GYG2: variants seen among roughly 807,000 people sequenced by gnomAD.
The protein encoded by GYG2 is glycogenin-2.
In GYG2, 29 loss-of-function variants were observed where a neutral mutation model predicts 29.4. That is an observed-to-expected ratio of 0.99 (90% CI 0.74 to 1.35). GYG2 has a LOEUF of 1.35. Among genes scored for constraint, GYG2 ranks in the 40% most tolerant of loss-of-function variants. GYG2 has a pLI of 0.00. For missense variants in GYG2, 370 were observed against 385.7 expected (o/e 0.96, Z 0.34); for synonymous variants, 167 against 172.3 (o/e 0.97, Z 0.24).
At chrX:2,871,608 T>G (rs1350808362) in intron 8 of GYG2, among the ~76,000 whole-genome samples, 4 of 110,896 alleles carry the variant, frequency 3.6e-5, no homozygotes, top group African/African-American at 1.3e-4. Flanking sequence ...GAGAATCACT[T>G]GAACCTGGGA....
chrX:2,845,045 A>ATG (rs200597113), intron 3 of GYG2, among the ~76,000 whole-genome samples: 32 of 47,613 alleles, frequency 6.7e-4, no homozygotes, highest in African/African-American at 2.5e-3. Flanking sequence ...ACACATGTGT[A>ATG]TGTATATATA....
chrX:2,877,103 T>G (rs1257487610), intron 9 of GYG2, 97 bp from the exon 10 acceptor site: 3 of 1,109,020 alleles, frequency 2.7e-6, no homozygotes, highest in African/African-American at 3.7e-5. Flanking sequence ...AATTTGATTT[T>G]ATTTTACCCC....
Position 2,854,046 on chromosome X carries a change from C to T in GYG2, c.216C>T (p.Ile72=). 4 of 1,195,356 alleles carry T rather than the reference C, an allele frequency of 3.3e-6. No individual in the cohort carries two copies. Among genetic ancestry groups the T allele is most frequent in the Non-Finnish European group, 4.5e-6 (4 of 880,458 alleles). ...EVNLIDSADY[I]HLAFLKRPEL... is the part of the protein sequence containing the mutation. ...ATCTAATCGATAGTGCCGACTACAT[C>T]CACCTGGCCTTTCTGAAGAGACCTG... Residue 72 remains isoleucine (I), a synonymous_variant, in exon 4 of 11, where the codon ATC becomes ATT. Coordinates refer to ENST00000398806, the MANE Select transcript of GYG2 (RefSeq NM_001079855.2).
At chrX:2,863,859 G>A (rs1387610281) in intron 8 of GYG2, among the ~76,000 whole-genome samples, 1 of 111,618 alleles carries the variant, frequency 9.0e-6, no homozygotes, top group Non-Finnish European at 1.9e-5. Context: ...TTCCATCAGT[G>A]GAGCCCTTAC....
chrX:2,836,480 G>A lies in GYG2; in HGVS notation c.7+6285G>A, dbSNP rs2087374305. 2.7e-5 allele frequency among the ~76,000 whole-genome samples: 3 copies of A among 109,941 alleles called. No homozygotes were observed. In the Admixed American group the frequency reaches 2.9e-4, roughly 11 times the overall value. On this transcript the variant is annotated intron_variant, in intron 2 of 10. Coordinates refer to ENST00000398806, the MANE Select transcript of GYG2 (RefSeq NM_001079855.2). ...GGCCAGGAGTTTGAGACCAGCCTGG[G>A]TGACAGAGCAAGAGACCCCATCTCT...
At chrX:2,844,622 A>ACG (rs2087598101) in intron 3 of GYG2, among the ~76,000 whole-genome samples, 1 of 17,247 alleles carries the variant, frequency 5.8e-5, no homozygotes, top group Non-Finnish European at 9.4e-5. Flanking sequence ...ATATGTGTAT[A>ACG]CGCACACGCA....
At chrX:2,868,339 C>A (rs1569071860) in intron 8 of GYG2, among the ~76,000 whole-genome samples, 1 of 107,272 alleles carries the variant, frequency 9.3e-6, no homozygotes, top group Admixed American at 1.0e-4. Flanking sequence ...GAAACCCTGT[C>A]TCTGCTAGAA....
At chrX:2,844,050 T>C (rs766508116) in intron 3 of GYG2, among the ~76,000 whole-genome samples, 8 of 112,632 alleles carry the variant, frequency 7.1e-5, no homozygotes, top group African/African-American at 9.7e-5. Context: ...AAGGCTTCTC[T>C]TAAATGTCAT....
At chrX:2,868,027 C>T (rs1438150793) in intron 8 of GYG2, among the ~76,000 whole-genome samples, 1 of 110,551 alleles carries the variant, frequency 9.0e-6, no homozygotes, top group South Asian at 3.9e-4. Context: ...ACCTGGGAGG[C>T]GGAGGTTGCA....
At chrX:2,877,602 A>G in intron 10 of GYG2, 2 of 753,139 alleles carry the variant, frequency 2.7e-6, no homozygotes, top group Non-Finnish European at 3.1e-6. Flanking sequence ...TGTGGAAATT[A>G]ATGCGTAGCA....
rs1213269288 is a variant in GYG2, at chrX:2,878,232, A to T, written c.1251+925A>T. On this transcript the variant is annotated intron_variant, in intron 10 of 10. Coordinates refer to ENST00000398806, the MANE Select transcript of GYG2 (RefSeq NM_001079855.2). ...AAGACCTACGTTGGACAGCTCAGCCATGTGGTAGGTTTGGGATCCTGGATG... is the reference window on the plus strand; with the variant it reads ...AAGACCTACGTTGGACAGCTCAGCCTTGTGGTAGGTTTGGGATCCTGGATG... 5.5e-6 allele frequency: 4 copies of T among 730,972 alleles called. No homozygotes were observed. The African/African-American group carries it at 9.4e-5, about 17-fold the overall frequency. The allele number at this position is 730,972 out of a possible 1,213,427, so 60.2% of individuals were successfully genotyped here.
chrX:2,831,441 C>G (rs1219927617), intron 2 of GYG2, among the ~76,000 whole-genome samples: 1 of 111,629 alleles, frequency 9.0e-6, no homozygotes, highest in Non-Finnish European at 1.9e-5. Context: ...AATCACAGAG[C>G]TGCTTCTCTC....
Position 2,881,071 on chromosome X carries a change from T to A in GYG2, c.1271T>A (p.Val424Asp). ...DALEVDLAVSVSQISIEEKVK... is the reference protein window; with the variant it reads ...DALEVDLAVSDSQISIEEKVK... Reference sequence around the variant, plus strand: ...CCCTAGGTCGACCTGGCCGTCTCTGTTTCCCAGATCTCCATCGAAGAGAAG... The same window carrying A: ...CCCTAGGTCGACCTGGCCGTCTCTGATTCCCAGATCTCCATCGAAGAGAAG... The change falls in exon 11 of 11, where the codon GTT (valine) becomes GAT (aspartate). Residue 424 changes from valine (V) to aspartate (D), a missense_variant. Physicochemically the swap from Val to Asp is radical, Grantham distance 152. Transcript: ENST00000398806. 1 of 1,210,065 alleles carries A rather than the reference T, an allele frequency of 8.3e-7. No homozygotes were observed. Among genetic ancestry groups the A allele is most frequent in the South Asian group, 1.8e-5 (1 of 56,531 alleles).
intron 8 of GYG2, among the ~76,000 whole-genome samples, chrX:2,874,058 T>C (rs1413683353): frequency 9.0e-6 from 1 of 111,053 alleles, no homozygotes; most frequent in African/African-American, 3.3e-5. Context: ...ATCATGCCAC[T>C]GCACTCCAGC....
intron 6 of GYG2, among the ~76,000 whole-genome samples, chrX:2,857,542 A>C (rs2088047303): frequency 1.8e-5 from 2 of 110,746 alleles, no homozygotes; most frequent in South Asian, 7.7e-4. Context: ...ATGTATCTAG[A>C]TCTAGATCTC....
At chrX:2,854,369 C>A (rs2087932043) in intron 4 of GYG2, among the ~76,000 whole-genome samples, 1 of 111,920 alleles carries the variant, frequency 8.9e-6, no homozygotes, top group Non-Finnish European at 1.9e-5. Flanking sequence ...TTACAGGCAC[C>A]CGCCTTCATG....
At chrX:2,845,029 TTATATACACATGTGTATGTATATA>T (rs1569057227) in intron 3 of GYG2, among the ~76,000 whole-genome samples, 2 of 88,010 alleles carry the variant, frequency 2.3e-5, no homozygotes, top group East Asian at 7.4e-4. Context: ...GTATGTATAT[TTATATACACATGTGTATGTATATA>T]TACACGTGTG....
Position 2,881,158 on chromosome X carries a change from T to A in GYG2, c.1358T>A (p.Met453Lys). 3 of 1,205,705 alleles carry A rather than the reference T, an allele frequency of 2.5e-6. No individual in the cohort carries two copies. Among genetic ancestry groups the A allele is most frequent in the South Asian group, 1.8e-5 (1 of 55,748 alleles). The change falls in exon 11 of 11, where the codon ATG becomes AAG. Residue 453 changes from methionine to lysine, a missense_variant. Physicochemically the swap from Met to Lys is moderately conservative, Grantham distance 95. Transcript: ENST00000398806. ...RKWEEGRIDY[M>K]GKDAFARIQE... is the part of the protein sequence containing the mutation. Reference sequence around the variant, plus strand: ...TGGGAGGAAGGCCGTATCGACTACATGGGGAAGGACGCGTTTGCTCGCATC... The same window carrying A: ...TGGGAGGAAGGCCGTATCGACTACAAGGGGAAGGACGCGTTTGCTCGCATC...
intron 6 of GYG2, among the ~76,000 whole-genome samples, chrX:2,857,592 A>G (rs1326405322): frequency 8.1e-5 from 9 of 111,032 alleles, no homozygotes; most frequent in African/African-American, 2.9e-4. Context: ...AGATCTCTAT[A>G]TAGGCATCTA....
Sources: gnomAD v4.1 joint callset for allele counts (sites outside exome capture counted in the v4.1 genomes callset) on GRCh38, gnomAD v4.1.1 for gene constraint, MANE v1.5 for transcripts, NCBI Gene and HGNC (gene_info 2026-07-23, HGNC 2026-07-21) for gene names.